PIGB: variants seen among roughly 807,000 people sequenced by gnomAD.
The protein encoded by PIGB is GPI alpha-1,2-mannosyltransferase 3.
PIGB carries 58 observed loss-of-function variants against 68.4 expected under a neutral mutation model. The ratio of observed to expected loss-of-function variants is 0.85; its 90% confidence interval spans 0.69 to 1.06. The LOEUF (loss-of-function observed/expected upper bound fraction) is 1.06. PIGB is among the 50% of genes least tolerant of loss of function. The pLI is 0.00. For synonymous variants in PIGB, 219 were observed against 220.5 expected (o/e 0.99, Z 0.06); for missense variants, 634 against 655.8 (o/e 0.97, Z 0.36).
intron 1 of PIGB, chr15:55,319,702 G>A (rs990243308): frequency 4.0e-6 from 1 of 250,720 alleles, no homozygotes; most frequent in Non-Finnish European, 7.6e-6. Context: ...ATCCTGATAA[G>A]TAATTTACAA....
intron 9 of PIGB, among the ~76,000 whole-genome samples, chr15:55,348,040 G>A (rs1259094109): frequency 4.8e-5 from 7 of 144,596 alleles, no homozygotes; most frequent in African/African-American, 1.8e-4. Flanking sequence ...CCAGGCTGGA[G>A]TGCAGTGGCA....
chr15:55,337,826 T>C (rs1025809501), intron 6 of PIGB, among the ~76,000 whole-genome samples: 1 of 152,134 alleles, frequency 6.6e-6, no homozygotes, highest in African/African-American at 2.4e-5. Context: ...ATAGTTACAA[T>C]ACACAGTATT....
Position 55,340,798 on chromosome 15 carries a change from G to A in PIGB, c.1033G>A (p.Val345Met). The A allele has an allele frequency of 1.2e-6, 2 of 1,607,784 alleles. No individual in the cohort carries two copies. Among genetic ancestry groups the A allele is most frequent in the Middle Eastern group, 1.7e-4 (1 of 6,046 alleles). ...GAGATACCGGATACTTTTGGTGACT[G>A]TGCTGTGGACACTGCTTGTTTATAG... ...PKRYRILLVT[V>M]LWTLLVYSML... Residue 345 changes from valine to methionine, a missense_variant, in exon 8 of 12, where the codon GTG (valine) becomes ATG (methionine). By Grantham distance (21) the Val-to-Met change is conservative (BLOSUM62 1). Transcript: ENST00000164305.
chr15:55,333,101 A>T (rs559790795), intron 5 of PIGB, among the ~76,000 whole-genome samples: 1 of 152,040 alleles, frequency 6.6e-6, no homozygotes, highest in South Asian at 2.1e-4. Flanking sequence ...TTTTTTTTTC[A>T]ATCAAGAAAG....
chr15:55,342,175 T>TTTTGGTGGTGGTGTTTCTA (rs1454762727), intron 9 of PIGB, among the ~76,000 whole-genome samples: 1 of 152,056 alleles, frequency 6.6e-6, no homozygotes, highest in Non-Finnish European at 1.5e-5. Context: ...CCAAAGCAGT[T>TTTTGGTGGTGGTGTTTCTA]TTTGGTGGTG....
intron 6 of PIGB, among the ~76,000 whole-genome samples, chr15:55,337,946 T>G (rs140378448): frequency 6.6e-6 from 1 of 152,170 alleles, no homozygotes; most frequent in African/African-American, 2.4e-5. Context: ...TCTTATAAAA[T>G]TCAAAAAAAG....
Position 55,339,289 on chromosome 15 carries a change from C to G in PIGB, c.817C>G (p.Leu273Val). Residue 273 changes from leucine to valine, a missense_variant, in exon 7 of 12, where the codon CTG (leucine) becomes GTG (valine). Transcript: ENST00000164305. The stretch of plus-strand genomic sequence containing the variant: ...CAGCTTTGTTACTTTGAGTTTGTCT[C>G]TGATGATTGATCGTATTTTTTTTGG... ...PVGFVTLSLS[L>V]MIDRIFFGQW... The G allele has an allele frequency of 6.4e-7, 1 of 1,553,144 alleles. No homozygotes were observed. Among genetic ancestry groups the G allele is most frequent in the South Asian group, 1.2e-5 (1 of 83,610 alleles).
intron 6 of PIGB, among the ~76,000 whole-genome samples, chr15:55,335,879 G>A (rs976453246): frequency 6.6e-5 from 10 of 152,186 alleles, no homozygotes; most frequent in African/African-American, 1.7e-4. Context: ...AGTTCCTATC[G>A]GCTTTACCAC....
chr15:55,346,289 C>A (rs1462372348), intron 9 of PIGB: 1 of 152,162 alleles, frequency 6.6e-6, no homozygotes, highest in Non-Finnish European at 1.5e-5. Context: ...GAGTAGTCAA[C>A]TGAGATGTAA....
In PIGB at chr15:55,355,607, A is replaced by G; in HGVS notation, c.*175A>G. 2.3e-6 allele frequency: 1 copy of G among 443,758 alleles called. No homozygotes were observed. The allele number at this position is 443,758 out of a possible 1,614,324, so 27.5% of individuals were successfully genotyped here. On this transcript the variant is annotated 3_prime_UTR_variant, in exon 12 of 12. Transcript: ENST00000164305. ...CCACATAGTATAAAATTACATGTTA[A>G]TACAATGCCAGATTTTAAATAAAGA...
intron 4 of PIGB, among the ~76,000 whole-genome samples, chr15:55,328,898 A>G (rs959456157): frequency 6.6e-6 from 1 of 152,168 alleles, no homozygotes; most frequent in African/African-American, 2.4e-5. Flanking sequence ...CCCAGGAGGC[A>G]GAGATTGTGC....
Position 55,340,664 on chromosome 15 carries a change from G to C in PIGB, c.899G>C (p.Gly300Ala). 6.2e-7 allele frequency: 1 copy of C among 1,612,936 alleles called. No individual in the cohort carries two copies. Among genetic ancestry groups the C allele is most frequent in the Non-Finnish European group, 8.5e-7 (1 of 1,179,528 alleles). Residue 300 changes from glycine to alanine, a missense_variant, in exon 8 of 12, where the codon GGA (glycine) becomes GCA (alanine). Physicochemically the swap from Gly to Ala is moderately conservative, Grantham distance 60 (BLOSUM62 0). Transcript: ENST00000164305. ...AAATTTAACGTGCTGCAGAACTGGG[G>C]AACATTTTATGGTTCTCATCCATGG... The part of the protein sequence containing the change: ...FLKFNVLQNW[G>A]TFYGSHPWHW...
At chr15:55,339,551 AATGTTACCT>A (rs2055615869) in intron 7 of PIGB, among the ~76,000 whole-genome samples, 2 of 152,348 alleles carry the variant, frequency 1.3e-5, no homozygotes, top group South Asian at 4.1e-4. Context: ...GTGAGCACTG[AATGTTACCT>A]GTTGCTGTTT....
chr15:55,352,460 T>C (rs1024650066), intron 10 of PIGB, among the ~76,000 whole-genome samples: 3 of 152,154 alleles, frequency 2.0e-5, no homozygotes, highest in Non-Finnish European at 4.4e-5. Context: ...CCAGTAATGG[T>C]ATAGGGGCAA....
At chr15:55,327,228 ATT>A (rs199499726) in intron 3 of PIGB, among the ~76,000 whole-genome samples, 1 of 130,280 alleles carries the variant, frequency 7.7e-6, no homozygotes, top group East Asian at 2.9e-4. Flanking sequence ...AAATATATAT[ATT>A]TATATTTATA....
At chr15:55,350,154 G>A (rs1160974990) in intron 9 of PIGB, 1 of 152,182 alleles carries the variant, frequency 6.6e-6, no homozygotes, top group Non-Finnish European at 1.5e-5. Flanking sequence ...GAAAAAAAAT[G>A]TAAGACATAG....
intron 7 of PIGB, among the ~76,000 whole-genome samples, chr15:55,339,661 C>T (rs2055618390): frequency 6.6e-6 from 1 of 152,134 alleles, no homozygotes; most frequent in Non-Finnish European, 1.5e-5. Flanking sequence ...TGTAAAGTAC[C>T]ACACAGTCCA....
chr15:55,344,890 CTT>C (rs1164109873), intron 9 of PIGB, among the ~76,000 whole-genome samples: 4,585 of 98,640 alleles, frequency 0.046, 100 homozygotes, highest in African/African-American at 0.15. Context: ...ATATTCTTAT[CTT>C]TTTTTTTTTT....
intron 9 of PIGB, chr15:55,346,483 T>C (rs1480095088): frequency 6.6e-6 from 1 of 152,190 alleles, no homozygotes; most frequent in East Asian, 1.9e-4. Flanking sequence ...TTCCAGAAAT[T>C]TTCTGTATAC....
Sources: allele counts gnomAD v4.1 joint callset (sites outside exome capture counted in the v4.1 genomes callset), GRCh38; gene constraint gnomAD v4.1.1; transcripts MANE v1.5; gene names NCBI Gene and HGNC (gene_info 2026-07-23, HGNC 2026-07-21).